The following TCF4 variants were observed in gnomAD, a reference collection of about 807,000 sequenced individuals.
TCF4 encodes the protein SL3-3 enhancer factor 2.
A neutral mutation model predicts 82.1 loss-of-function variants in TCF4; 3 were observed. The observed-to-expected ratio is 0.04, with a 90% CI of 0.02 to 0.09. TCF4 has a LOEUF of 0.09. TCF4 is among the 10% of genes least tolerant of loss of function. The probability of loss-of-function intolerance (pLI) is 1.00; values close to 1 mark genes in which losing one functional copy is unlikely to be tolerated. For synonymous variants in TCF4, 276 were observed against 309.6 expected, an observed-to-expected ratio of 0.89 and a Z score of 1.14; for missense variants, 518 against 852.7, an observed-to-expected ratio of 0.61 and a Z score of 4.89.
intron 3 of TCF4, among the ~76,000 whole-genome samples, chr18:55,576,099 A>G (rs2097525985): frequency 6.6e-6 from 1 of 152,118 alleles, no homozygotes; most frequent in Admixed American, 6.6e-5. Context: ...ACCCCTCTTG[A>G]ATTGTACTGG....
intron 3 of TCF4, among the ~76,000 whole-genome samples, chr18:55,576,888 G>A (rs186068799): frequency 1.2e-3 from 189 of 151,552 alleles, no homozygotes; most frequent in Middle Eastern, 3.4e-3. Flanking sequence ...ATCAACTATC[G>A]TTAGTGTATT....
At chr18:55,305,428 A>C (rs1292724014) in intron 8 of TCF4, among the ~76,000 whole-genome samples, 2 of 152,182 alleles carry the variant, frequency 1.3e-5, no homozygotes, top group South Asian at 4.1e-4. Context: ...ATTTCCAAAA[A>C]CCAGAAGAAA....
At chr18:55,305,187 T>G (rs768322353) in intron 8 of TCF4, among the ~76,000 whole-genome samples, 24 of 152,308 alleles carry the variant, frequency 1.6e-4, no homozygotes, top group Non-Finnish European at 3.1e-4. Flanking sequence ...TCATCCCCAA[T>G]TATTACATCC....
intron 8 of TCF4, among the ~76,000 whole-genome samples, chr18:55,344,546 C>T (rs11874871): frequency 0.046 from 6,932 of 152,144 alleles, 221 homozygotes; most frequent in Middle Eastern, 0.082. Context: ...ATAGCAGTTC[C>T]CAGAAATGTA....
intron 1 of TCF4, chr18:55,587,337 CAAAAAAAAAAAAAAAAAAAA>C (rs1159348981): frequency 4.9e-3 from 35 of 7,148 alleles, no homozygotes; most frequent in Admixed American, 8.7e-3. Context: ...GCAGCAATAG[CAAAAAAAAAAAAAAAAAAAA>C]AAAAAAAAAA....
chr18:55,248,005 G>A (rs889226345), intron 15 of TCF4, among the ~76,000 whole-genome samples: 2 of 152,150 alleles, frequency 1.3e-5, no homozygotes, highest in Non-Finnish European at 2.9e-5. Flanking sequence ...CTGCTTGGCA[G>A]GAAATCTGTA....
At chr18:55,473,804 C>T (rs2096236128) in intron 3 of TCF4, among the ~76,000 whole-genome samples, 2 of 152,172 alleles carry the variant, frequency 1.3e-5, no homozygotes, top group South Asian at 4.1e-4. Flanking sequence ...GTTGACATAA[C>T]ACAGGAACTT....
At chr18:55,418,500 T>C (rs2094601094) in intron 5 of TCF4, among the ~76,000 whole-genome samples, 1 of 152,212 alleles carries the variant, frequency 6.6e-6, no homozygotes, top group African/African-American at 2.4e-5. Context: ...TAACAATCAA[T>C]TGTTAAGAAC....
intron 2 of TCF4, among the ~76,000 whole-genome samples, chr18:55,614,947 ATTATTT>A (rs1019577164): frequency 6.6e-6 from 1 of 152,138 alleles, no homozygotes; most frequent in Non-Finnish European, 1.5e-5. Context: ...AATCAAAGTT[ATTATTT>A]TTATTATTAT....
chr18:55,230,570 A>G (rs976349627), intron 17 of TCF4: 1 of 152,228 alleles, frequency 6.6e-6, no homozygotes, highest in African/African-American at 2.4e-5. Context: ...TAGACTCCCC[A>G]TCACAAGAAA....
chr18:55,395,939 C>T (rs1010512405), intron 6 of TCF4, among the ~76,000 whole-genome samples: 2 of 151,960 alleles, frequency 1.3e-5, no homozygotes, highest in African/African-American at 4.8e-5. Context: ...TTTTTCCCCC[C>T]CTTAAGGCTG....
intron 9 of TCF4, among the ~76,000 whole-genome samples, chr18:55,276,311 T>C (rs2061488195): frequency 6.6e-6 from 1 of 152,286 alleles, no homozygotes; most frequent in African/African-American, 2.4e-5. Flanking sequence ...ATATAGTTCT[T>C]AGGATATTTT....
At chr18:55,361,027 C>T (rs1056054761) in intron 6 of TCF4, among the ~76,000 whole-genome samples, 1 of 152,072 alleles carries the variant, frequency 6.6e-6, no homozygotes, top group South Asian at 2.1e-4. Context: ...ACCTGGCCTG[C>T]TAACCCCTTT....
chr18:55,361,688 A>G (rs1170542318), intron 6 of TCF4, among the ~76,000 whole-genome samples: 1 of 152,228 alleles, frequency 6.6e-6, no homozygotes, highest in Non-Finnish European at 1.5e-5. Flanking sequence ...CCTTGGCATT[A>G]CAGGCAGATG....
At chr18:55,537,172 C>A (rs1162174974) in intron 3 of TCF4, among the ~76,000 whole-genome samples, 1 of 149,696 alleles carries the variant, frequency 6.7e-6, no homozygotes, top group Non-Finnish European at 1.5e-5. Context: ...CAGTTTCCAA[C>A]TGGAAAGGCT....
chr18:55,588,404 A>G (rs1046631012), upstream of TCF4: 376 of 518,510 alleles, frequency 7.3e-4, no homozygotes, highest in Admixed American at 2.1e-3. Context: ...CCCCGAGGGG[A>G]AAAAAAAAAA....
chr18:55,591,670 A>C (rs983171497), upstream of TCF4, among the ~76,000 whole-genome samples: 3 of 152,056 alleles, frequency 2.0e-5, no homozygotes, highest in African/African-American at 7.2e-5. Context: ...GGCATGCGTC[A>C]CCCCACTCGG....
At chr18:55,493,247 A>T (rs953983794) in intron 3 of TCF4, among the ~76,000 whole-genome samples, 2 of 152,160 alleles carry the variant, frequency 1.3e-5, no homozygotes, top group African/African-American at 4.8e-5. Context: ...TAATTTAAAA[A>T]ACCTTTTGGG....
chr18:55,304,492 T>C (rs1170326463), intron 8 of TCF4, among the ~76,000 whole-genome samples: 1 of 152,036 alleles, frequency 6.6e-6, no homozygotes, highest in Admixed American at 6.6e-5. Context: ...ACTGAGGAGA[T>C]TATATGAAAA....
Sources: gnomAD v4.1 joint callset for allele counts (sites outside exome capture counted in the v4.1 genomes callset) on GRCh38, gnomAD v4.1.1 for gene constraint, MANE v1.5 for transcripts, NCBI Gene and HGNC (gene_info 2026-07-23, HGNC 2026-07-21) for gene names.